Variants in FAM219A observed in about 807,000 individuals in gnomAD.
FAM219A encodes the protein family with sequence similarity 219 member A.
A neutral mutation model predicts 23.4 loss-of-function variants in FAM219A; 7 were observed. The observed-to-expected ratio is 0.30, with a 90% CI of 0.17 to 0.56. The LOEUF (loss-of-function observed/expected upper bound fraction) is 0.56, where lower values mean the gene tolerates loss of function less well. Among genes scored for constraint, FAM219A ranks in the 20% least tolerant of loss-of-function variants. FAM219A has a pLI of 0.92. For synonymous variants in FAM219A, 93 were observed against 99.0 expected, an observed-to-expected ratio of 0.94 and a Z score of 0.36; for missense variants, 166 against 246.9, an observed-to-expected ratio of 0.67 and a Z score of 2.20.
At chr9:34,448,417 A>G (rs1271585741) in intron 1 of FAM219A, among the ~76,000 whole-genome samples, 1 of 152,174 alleles carries the variant, frequency 6.6e-6, no homozygotes, top group Non-Finnish European at 1.5e-5. Flanking sequence ...CCAGGAGTCC[A>G]CCTTAGCATC....
At chr9:34,435,659 T>C (rs1208519206) in intron 1 of FAM219A, among the ~76,000 whole-genome samples, 2 of 152,242 alleles carry the variant, frequency 1.3e-5, no homozygotes, top group African/African-American at 2.4e-5. Flanking sequence ...TTATGTGCGC[T>C]TTACCACAAT....
At chr9:34,428,662 C>T (rs1011311744) in intron 1 of FAM219A, among the ~76,000 whole-genome samples, 7 of 152,196 alleles carry the variant, frequency 4.6e-5, no homozygotes, top group Admixed American at 1.3e-4. Context: ...ACAGAGCATC[C>T]GCTGTGAGGA....
At chr9:34,429,365 G>C (rs1822606142) in intron 1 of FAM219A, among the ~76,000 whole-genome samples, 1 of 152,128 alleles carries the variant, frequency 6.6e-6, no homozygotes, top group South Asian at 2.1e-4. Context: ...AGAGGAACAG[G>C]GTCCTGAGTG....
At position 34,398,406 on chromosome 9, in the gene FAM219A, G is replaced by A. The variant is rs1366086884; in HGVS notation, c.*2558C>T. The A allele has an allele frequency of 6.5e-7, 1 of 1,546,438 alleles. No individual in the cohort carries two copies. Among genetic ancestry groups the A allele is most frequent in the East Asian group, 2.4e-5 (1 of 40,906 alleles). ...TAAGGCAGTATCTACAAGGGGAAGG[G>A]TGGCAGGAGGGCAAGCTAAGGCCTA... On this transcript the variant is annotated 3_prime_UTR_variant, in exon 6 of 6. Transcript: ENST00000651358.
At position 34,400,962 on chromosome 9, in the gene FAM219A, C is replaced by G; in HGVS notation, c.*2G>C. The G allele has an allele frequency of 2.0e-5, 31 of 1,538,020 alleles. No individual in the cohort carries two copies. Among genetic ancestry groups the G allele is most frequent in the Non-Finnish European group, 2.7e-5 (31 of 1,137,472 alleles). ...CCCCGGCGACCGCAGTGGCCCCGCC[C>G]GCTACTGAATGTGGCAGGCGGTGGA... On this transcript the variant is annotated 3_prime_UTR_variant, in exon 6 of 6. Coordinates refer to ENST00000651358, the MANE Select transcript of FAM219A (RefSeq NM_001184940.2).
chr9:34,450,708 G>A (rs750740587), intron 1 of FAM219A, among the ~76,000 whole-genome samples: 1 of 152,158 alleles, frequency 6.6e-6, no homozygotes, highest in African/African-American at 2.4e-5. Context: ...GAGCCACTGC[G>A]CCCGGCCAAT....
At chr9:34,408,204 C>T (rs1041281855) in intron 1 of FAM219A, among the ~76,000 whole-genome samples, 6 of 152,242 alleles carry the variant, frequency 3.9e-5, no homozygotes, top group Non-Finnish European at 8.8e-5. Context: ...ACTTCCCATG[C>T]TTCAAGTCCT....
At chr9:34,445,143 C>A (rs994656122) in intron 1 of FAM219A, among the ~76,000 whole-genome samples, 1 of 152,200 alleles carries the variant, frequency 6.6e-6, no homozygotes, top group African/African-American at 2.4e-5. Flanking sequence ...TTGCTGTTCC[C>A]CTCCTTAGAA....
intron 1 of FAM219A, among the ~76,000 whole-genome samples, chr9:34,447,326 A>G (rs1374905951): frequency 6.6e-6 from 1 of 152,228 alleles, no homozygotes; most frequent in Non-Finnish European, 1.5e-5. Context: ...AAATATGATC[A>G]TGGAAGCTCA....
At chr9:34,438,817 G>C (rs1037759813) in intron 1 of FAM219A, among the ~76,000 whole-genome samples, 14 of 152,334 alleles carry the variant, frequency 9.2e-5, no homozygotes, top group African/African-American at 3.4e-4. Flanking sequence ...CCAGATAAGA[G>C]AATAAAAGCA....
rs118099109 is a variant in FAM219A, at chr9:34,422,492, T to C, written c.61-16528A>G. On this transcript the variant is annotated intron_variant, in intron 1 of 5. Transcript: ENST00000651358. ...ACCAGAACTTACACCTCTGTGGGAC[T>C]GTTGTCTTGCAAAGCAGTCACTTGG... is the stretch of plus-strand genomic sequence containing the variant. 1.4e-3 allele frequency among the ~76,000 whole-genome samples: 215 copies of C among 152,372 alleles called. 6 individuals carry two copies. The East Asian group carries it at 0.034, about 24-fold the overall frequency.
At chr9:34,402,508 C>G in intron 3 of FAM219A, 41 bp from the exon 4 acceptor site, 5 of 1,613,038 alleles carry the variant, frequency 3.1e-6, no homozygotes, top group Non-Finnish European at 4.2e-6. Context: ...CAAAGTGGAG[C>G]ATAGAAACCT....
At chr9:34,438,080 C>T (rs999265004) in intron 1 of FAM219A, among the ~76,000 whole-genome samples, 2 of 152,212 alleles carry the variant, frequency 1.3e-5, no homozygotes, top group Non-Finnish European at 2.9e-5. Context: ...CCAGTGGCTA[C>T]GGAGGGTGTA....
In FAM219A at chr9:34,451,184, G is replaced by C. The variant is rs371073474; in HGVS notation, c.60+7020C>G. Among the ~76,000 whole-genome samples the C allele has an allele frequency of 9.2e-5, 14 of 152,250 alleles. No homozygotes were observed. In the East Asian group the frequency reaches 1.7e-3, roughly 19 times the overall value. On this transcript the variant is annotated intron_variant, in intron 1 of 5. Transcript: ENST00000651358. ...TTTCCTAGATGACTTCCCTACTCCA[G>C]AGTCCCTCCCTGCAGCCAGAAGTTG...
At chr9:34,450,235 C>T (rs899400476) in intron 1 of FAM219A, among the ~76,000 whole-genome samples, 13 of 151,554 alleles carry the variant, frequency 8.6e-5, no homozygotes, top group Middle Eastern at 3.4e-3. Flanking sequence ...ATCGCTTGAG[C>T]CTGGGAGGCG....
intron 1 of FAM219A, among the ~76,000 whole-genome samples, chr9:34,436,239 T>G (rs1214154572): frequency 6.6e-6 from 1 of 151,928 alleles, no homozygotes; most frequent in East Asian, 1.9e-4. Flanking sequence ...TATTATAATT[T>G]CTGGGATTTT....
intron 1 of FAM219A, among the ~76,000 whole-genome samples, chr9:34,442,290 CTA>C (rs1411327054): frequency 3.9e-5 from 6 of 152,184 alleles, no homozygotes; most frequent in Non-Finnish European, 5.9e-5. Context: ...GTGGGAAACT[CTA>C]TAGGACAAAG....
chr9:34,442,649 CACTCCAGCCTGGGTGACAGAG>C (rs1401256685), intron 1 of FAM219A, among the ~76,000 whole-genome samples: 1 of 150,706 alleles, frequency 6.6e-6, no homozygotes, highest in African/African-American at 2.5e-5. Context: ...CACGCCACTG[CACTCCAGCCTGGGTGACAGAG>C]ACAGACTCCG....
At chr9:34,407,514 G>T (rs776917421) in intron 1 of FAM219A, among the ~76,000 whole-genome samples, 1 of 152,266 alleles carries the variant, frequency 6.6e-6, no homozygotes, top group African/African-American at 2.4e-5. Flanking sequence ...AACCTGGGCC[G>T]AGAGGGGAAG....
Sources: allele counts gnomAD v4.1 joint callset (sites outside exome capture counted in the v4.1 genomes callset), GRCh38; gene constraint gnomAD v4.1.1; transcripts MANE v1.5; gene names NCBI Gene and HGNC (gene_info 2026-07-23, HGNC 2026-07-21).